The following BEND5 variants were observed in gnomAD, a reference collection of about 807,000 sequenced individuals.
The protein encoded by BEND5 is BEN domain containing 5.
BEND5 carries 22 observed loss-of-function variants against 43.9 expected under a neutral mutation model. The ratio of observed to expected loss-of-function variants is 0.50; its 90% CI spans 0.36 to 0.72. BEND5 has a LOEUF of 0.72. BEND5 is among the 30% of genes least tolerant of loss of function. The pLI, the probability that BEND5 is intolerant of heterozygous loss-of-function variation, is 0.00. For missense variants in BEND5, 428 were observed against 550.6 expected, an observed-to-expected ratio of 0.78 and a Z score of 2.23; for synonymous variants, 228 against 225.9, an observed-to-expected ratio of 1.01 and a Z score of -0.08.
intron 1 of BEND5, among the ~76,000 whole-genome samples, chr1:48,767,126 G>C (rs1644570051): frequency 6.6e-6 from 1 of 152,168 alleles, no homozygotes; most frequent in South Asian, 2.1e-4. Flanking sequence ...CCAGTATCTA[G>C]CAAAAACAGT....
At chr1:48,769,408 A>AC (rs2148685990) in intron 1 of BEND5, among the ~76,000 whole-genome samples, 2 of 152,180 alleles carry the variant, frequency 1.3e-5, no homozygotes, top group East Asian at 3.9e-4. Flanking sequence ...CATGTGCCTC[A>AC]CCAGGGCTGC....
chr1:48,754,627 G>A lies in BEND5; in HGVS notation c.745+4273C>T, dbSNP rs111523038. 1.8e-3 allele frequency among the ~76,000 whole-genome samples: 271 copies of A among 152,250 alleles called. 1 individual carries two copies. The highest frequency in any genetic ancestry group is 6.2e-3 in the African/African-American group (257 of 41,552). ...TTTATTGAACACTTACAATATGGGG[G>A]TCACGGGGCAAAAGTTTACATATGC... On this transcript the variant is annotated intron_variant, in intron 3 of 5. Coordinates refer to ENST00000371833, the MANE Select transcript of BEND5 (RefSeq NM_024603.4).
intron 3 of BEND5, among the ~76,000 whole-genome samples, chr1:48,751,884 C>T (rs966787442): frequency 1.2e-4 from 19 of 152,172 alleles, no homozygotes; most frequent in Admixed American, 6.6e-4. Context: ...ATTGTTCGGC[C>T]ACCCTGAAAT....
At chr1:48,746,482 T>A (rs752335191) in intron 3 of BEND5, among the ~76,000 whole-genome samples, 14 of 152,274 alleles carry the variant, frequency 9.2e-5, no homozygotes, top group African/African-American at 3.1e-4. Context: ...CTGATAGACT[T>A]CTGTCAAATA....
chr1:48,751,103 T>A (rs550871350), intron 3 of BEND5, among the ~76,000 whole-genome samples: 3 of 152,200 alleles, frequency 2.0e-5, no homozygotes, highest in Non-Finnish European at 4.4e-5. Flanking sequence ...TGGGCCTCAG[T>A]TGTCCATCTA....
In BEND5 at chr1:48,776,874, C is replaced by T; in HGVS notation, c.-43G>A. Reference sequence around the variant, plus strand: ...GGCCCCGGTCGGGCAGCTCAGCCCGCGGGGCGGGCGCGGAGGTGGGGATCC... The same window carrying T: ...GGCCCCGGTCGGGCAGCTCAGCCCGTGGGGCGGGCGCGGAGGTGGGGATCC... On this transcript the variant is annotated 5_prime_UTR_variant, in exon 1 of 6. Coordinates refer to ENST00000371833, the MANE Select transcript of BEND5 (RefSeq NM_024603.4). The T allele has an allele frequency of 1.0e-5, 11 of 1,063,806 alleles. No homozygotes were observed. Among genetic ancestry groups the T allele is most frequent in the Non-Finnish European group, 1.3e-5 (11 of 839,576 alleles). 65.9% of individuals were successfully genotyped at this position (1,063,806 alleles called of 1,614,324 possible).
At chr1:48,733,896 GA>G (rs1477981478) in intron 5 of BEND5, among the ~76,000 whole-genome samples, 1 of 152,168 alleles carries the variant, frequency 6.6e-6, no homozygotes, top group Non-Finnish European at 1.5e-5. Context: ...AGATGAATCA[GA>G]TACAGTCCCC....
At chr1:48,767,257 G>C (rs1177187858) in intron 1 of BEND5, among the ~76,000 whole-genome samples, 5 of 152,076 alleles carry the variant, frequency 3.3e-5, no homozygotes, top group Admixed American at 3.3e-4. Context: ...AGTGAAGTGG[G>C]GATAATAAAC....
At chr1:48,759,470 T>TA in intron 2 of BEND5, 186 bp from the exon 3 acceptor site, 1 of 1,180,648 alleles carries the variant, frequency 8.5e-7, no homozygotes, top group Non-Finnish European at 1.1e-6. Flanking sequence ...ATAAATTTTA[T>TA]AAATGGGGTT....
At chr1:48,755,593 C>T (rs933858585) in intron 3 of BEND5, among the ~76,000 whole-genome samples, 5 of 152,154 alleles carry the variant, frequency 3.3e-5, no homozygotes, top group African/African-American at 7.2e-5. Context: ...CAACTGAAGC[C>T]GAGAGTCAAA....
chr1:48,764,177 A>G (rs1243357790), intron 1 of BEND5, among the ~76,000 whole-genome samples: 1 of 152,218 alleles, frequency 6.6e-6, no homozygotes, highest in African/African-American at 2.4e-5. Context: ...GGAGCATGGG[A>G]GATCACTTCC....
At chr1:48,769,526 A>AACACAC (rs558937968) in intron 1 of BEND5, among the ~76,000 whole-genome samples, 19,583 of 130,012 alleles carry the variant, frequency 0.15, 1,591 homozygotes, top group Non-Finnish European at 0.16. Context: ...GAGGATTTAA[A>AACACAC]ACACACACAC....
intron 1 of BEND5, among the ~76,000 whole-genome samples, chr1:48,772,106 G>A (rs1438976592): frequency 1.3e-5 from 2 of 152,212 alleles, no homozygotes; most frequent in Non-Finnish European, 2.9e-5. Flanking sequence ...TATATGCTGG[G>A]CACTGAGGAT....
At chr1:48,767,333 A>C (rs1644579634) in intron 1 of BEND5, among the ~76,000 whole-genome samples, 1 of 152,222 alleles carries the variant, frequency 6.6e-6, no homozygotes, top group Non-Finnish European at 1.5e-5. Flanking sequence ...ATAGATGTTC[A>C]ATAAATAGCA....
intron 4 of BEND5, among the ~76,000 whole-genome samples, chr1:48,741,489 G>A (rs1399908560): frequency 6.6e-6 from 1 of 152,254 alleles, no homozygotes; most frequent in Non-Finnish European, 1.5e-5. Flanking sequence ...AGGCAAGGCA[G>A]AATGGGCCTG....
chr1:48,767,784 A>C (rs893148925), intron 1 of BEND5, among the ~76,000 whole-genome samples: 1 of 152,214 alleles, frequency 6.6e-6, no homozygotes, highest in Non-Finnish European at 1.5e-5. Flanking sequence ...TAAAATCACC[A>C]ATCTTCACTT....
intron 5 of BEND5, among the ~76,000 whole-genome samples, chr1:48,734,003 A>G (rs1208093625): frequency 6.6e-6 from 1 of 152,242 alleles, no homozygotes; most frequent in African/African-American, 2.4e-5. Context: ...CTCCTGAGTC[A>G]CGTTCCAACA....
chr1:48,768,136 G>A (rs1351647868), intron 1 of BEND5, among the ~76,000 whole-genome samples: 1 of 151,404 alleles, frequency 6.6e-6, no homozygotes, highest in Non-Finnish European at 1.5e-5. Context: ...GAAAAATAAG[G>A]AAGTTGCTGT....
chr1:48,776,153 A>C (rs1033807659), intron 1 of BEND5, among the ~76,000 whole-genome samples: 1 of 152,190 alleles, frequency 6.6e-6, no homozygotes, highest in Non-Finnish European at 1.5e-5. Context: ...CCAAGGAGGT[A>C]CCAACAGCCT....
Sources: gnomAD v4.1 joint callset for allele counts (sites outside exome capture counted in the v4.1 genomes callset) on GRCh38, gnomAD v4.1.1 for gene constraint, MANE v1.5 for transcripts, NCBI Gene and HGNC (gene_info 2026-07-23, HGNC 2026-07-21) for gene names.